The following RALGAPA1 variants were observed in gnomAD, a reference collection of about 807,000 sequenced individuals.
The protein encoded by RALGAPA1 is Ral GTPase activating protein catalytic subunit alpha 1, also known as ral GTPase-activating protein subunit alpha-1.
RALGAPA1 carries 52 observed loss-of-function variants against 269.6 expected under a neutral mutation model. The observed-to-expected ratio is 0.19, with a 90% CI of 0.15 to 0.24. The LOEUF is 0.24. Among genes scored for constraint, RALGAPA1 ranks in the 10% least tolerant of loss-of-function variants. RALGAPA1 has a pLI of 1.00. For synonymous variants in RALGAPA1, 817 were observed against 1,008.3 expected, an observed-to-expected ratio of 0.81 and a Z score of 3.60; for missense variants, 1,917 against 3,013.9, an observed-to-expected ratio of 0.64 and a Z score of 8.52.
chr14:35,776,883 A>T (rs8015207), intron 1 of RALGAPA1, among the ~76,000 whole-genome samples: 3,348 of 152,160 alleles, frequency 0.022, 124 homozygotes, highest in African/African-American at 0.076. Context: ...AATTTTTTTT[A>T]AATTTACTAT....
chr14:35,559,878 C>A (rs1044815512), intron 39 of RALGAPA1, among the ~76,000 whole-genome samples: 4 of 152,016 alleles, frequency 2.6e-5, no homozygotes, highest in African/African-American at 9.7e-5. Flanking sequence ...GATTGTTGTG[C>A]AAGAATGAAG....
chr14:35,680,417 C>G (rs937902031), intron 21 of RALGAPA1, among the ~76,000 whole-genome samples: 2 of 151,576 alleles, frequency 1.3e-5, no homozygotes, highest in African/African-American at 4.8e-5. Flanking sequence ...ACTGTGTTGG[C>G]CAGGCTGGTC....
intron 4 of RALGAPA1, among the ~76,000 whole-genome samples, chr14:35,767,504 GGTGAAACCCT>G (rs2074249446): frequency 6.6e-6 from 1 of 152,014 alleles, no homozygotes; most frequent in South Asian, 2.1e-4. Flanking sequence ...TGGCCAACAT[GGTGAAACCCT>G]GTCTCTACTA....
intron 27 of RALGAPA1, among the ~76,000 whole-genome samples, chr14:35,660,299 A>G (rs1240456118): frequency 6.6e-6 from 1 of 152,118 alleles, no homozygotes; most frequent in Non-Finnish European, 1.5e-5. Context: ...GAACTAATAA[A>G]GTCAGTAGAG....
At chr14:35,725,218 C>A in intron 13 of RALGAPA1, 65 bp from the exon 14 acceptor site, 3 of 1,145,800 alleles carry the variant, frequency 2.6e-6, no homozygotes, top group Non-Finnish European at 3.6e-6. Context: ...TAATAGTTAA[C>A]TTTCAAATAC....
intron 29 of RALGAPA1, among the ~76,000 whole-genome samples, 158 bp downstream of exon 29, chr14:35,655,649 G>C (rs1236410930): frequency 1.3e-5 from 2 of 151,868 alleles, no homozygotes; most frequent in African/African-American, 4.8e-5. Flanking sequence ...TCAAGAAACA[G>C]AACAATTTTT....
At chr14:35,712,766 T>TAAAGTGCTAAGATTAC (rs536003895) in intron 16 of RALGAPA1, among the ~76,000 whole-genome samples, 4 of 152,168 alleles carry the variant, frequency 2.6e-5, no homozygotes, top group Admixed American at 6.5e-5. Context: ...CACCTCAGTC[T>TAAAGTGCTAAGATTAC]AAAGTGCTAA....
At chr14:35,801,459 G>C (rs931863042) in intron 1 of RALGAPA1, among the ~76,000 whole-genome samples, 1 of 151,996 alleles carries the variant, frequency 6.6e-6, no homozygotes, top group African/African-American at 2.4e-5. Flanking sequence ...GTTCACACAG[G>C]GTTTCAGTAT....
intron 39 of RALGAPA1, among the ~76,000 whole-genome samples, chr14:35,551,915 G>C (rs2055050637): frequency 6.6e-6 from 1 of 152,100 alleles, no homozygotes. Flanking sequence ...AAAAGTTCAA[G>C]TCAGGATGGC....
intron 40 of RALGAPA1, 144 bp from the exon 41 acceptor site, chr14:35,548,682 A>C (rs946732830): frequency 3.7e-6 from 2 of 542,614 alleles, no homozygotes; most frequent in Non-Finnish European, 6.4e-6. Flanking sequence ...AATTATTGTA[A>C]CATAAATTAC....
At chr14:35,748,960 G>T in intron 9 of RALGAPA1, 136 bp from the exon 10 acceptor site, 1 of 1,339,174 alleles carries the variant, frequency 7.5e-7, no homozygotes, top group East Asian at 2.7e-5. Context: ...TAAACTCCGG[G>T]CATAGAGTTT....
chr14:35,748,929 C>T (rs1178955665), intron 9 of RALGAPA1, 105 bp from the exon 10 acceptor site: 1 of 1,407,198 alleles, frequency 7.1e-7, no homozygotes, highest in Non-Finnish European at 9.2e-7. Context: ...AAACATTTCC[C>T]AAGTAATTTA....
intron 6 of RALGAPA1, among the ~76,000 whole-genome samples, chr14:35,759,150 A>T (rs2073458415): frequency 6.6e-6 from 1 of 152,216 alleles, no homozygotes; most frequent in African/African-American, 2.4e-5. Context: ...AATGTAAATA[A>T]GCATGCATAT....
At position 35,633,727 on chromosome 14, in the gene RALGAPA1, C is replaced by A. The variant is rs141114951; in HGVS notation, c.5995+847G>T. Among the ~76,000 whole-genome samples, 7 of 152,220 alleles carry A rather than the reference C, an allele frequency of 4.6e-5. No individual in the cohort carries two copies. The East Asian group carries it at 1.3e-3, about 29-fold the overall frequency. On this transcript the variant is annotated intron_variant, in intron 33 of 41. Transcript: ENST00000680220. ...AAGTGCTCTTAATATAAATTGTATC[C>A]TCTATCTCCCTTTCTTAAAACCTTC...
chr14:35,691,829 T>C (rs561713710), intron 17 of RALGAPA1, among the ~76,000 whole-genome samples: 91 of 152,298 alleles, frequency 6.0e-4, no homozygotes, highest in Middle Eastern at 3.4e-3. Context: ...GTTAAATATA[T>C]AGTATCTCCT....
intron 16 of RALGAPA1, among the ~76,000 whole-genome samples, chr14:35,714,254 TA>T (rs2068615069): frequency 6.6e-6 from 1 of 152,148 alleles, no homozygotes; most frequent in Admixed American, 6.5e-5. Context: ...CCACTAGCAA[TA>T]TATAAGGACT....
chr14:35,664,679 A>G lies in RALGAPA1; in HGVS notation c.5291T>C (p.Ile1764Thr), dbSNP rs761171243. The change falls in exon 27 of 42, where the codon ATT becomes ACT. Residue 1764 changes from isoleucine (I) to threonine (T), a missense_variant. Coordinates refer to ENST00000680220, the MANE Select transcript of RALGAPA1 (RefSeq NM_001346249.2). ...AAACTGAGACACAGCAACATCAGGA[A>G]TGTTGGGATGAAGAGAAGGCAGTTC... ...YCELPSLHPN[I>T]PDVAVSQFTD... 1.2e-6 allele frequency: 2 copies of G among 1,612,514 alleles called. No individual in the cohort carries two copies.
At chr14:35,573,568 C>G (rs186228845) in intron 37 of RALGAPA1, among the ~76,000 whole-genome samples, 1 of 152,184 alleles carries the variant, frequency 6.6e-6, no homozygotes, top group African/African-American at 2.4e-5. Context: ...AGCTAACATA[C>G]GGGCAATTTC....
At chr14:35,635,155 G>C (rs1412631842) in intron 32 of RALGAPA1, among the ~76,000 whole-genome samples, 2 of 149,356 alleles carry the variant, frequency 1.3e-5, no homozygotes, top group Non-Finnish European at 2.9e-5. Flanking sequence ...TGGGTAACAA[G>C]AGTGAAACTC....
Sources: gnomAD v4.1 joint callset for allele counts (sites outside exome capture counted in the v4.1 genomes callset) on GRCh38, gnomAD v4.1.1 for gene constraint, MANE v1.5 for transcripts, NCBI Gene and HGNC (gene_info 2026-07-23, HGNC 2026-07-21) for gene names.